Variants in KHDRBS3 observed in about 807,000 individuals in gnomAD.
KHDRBS3 encodes KH domain-containing, RNA-binding, signal transduction-associated protein 3.
KHDRBS3 carries 23 observed loss-of-function variants against 45.6 expected under a neutral mutation model. The ratio of observed to expected loss-of-function variants is 0.50; its 90% CI spans 0.36 to 0.72. KHDRBS3 has a LOEUF of 0.72. Ranked by LOEUF, KHDRBS3 falls within the 30% of genes least tolerant of loss-of-function variation. The pLI is 0.00. For synonymous variants in KHDRBS3, 162 were observed against 156.5 expected, an observed-to-expected ratio of 1.04 and a Z score of -0.26; for missense variants, 352 against 424.8, an observed-to-expected ratio of 0.83 and a Z score of 1.51.
intron 7 of KHDRBS3, among the ~76,000 whole-genome samples, chr8:135,612,896 G>A (rs1289649143): frequency 6.6e-6 from 1 of 151,728 alleles, no homozygotes. Flanking sequence ...AAAAAAGAAT[G>A]TTAAAAAAAT....
intron 1 of KHDRBS3, among the ~76,000 whole-genome samples, chr8:135,517,127 G>A (rs1173215798): frequency 2.0e-5 from 3 of 152,294 alleles, no homozygotes; most frequent in Non-Finnish European, 4.4e-5. Context: ...ATTCTGCAGT[G>A]AGAGGTTTGG....
At chr8:135,548,949 T>G in intron 4 of KHDRBS3, 49 bp downstream of exon 4, 1 of 1,368,526 alleles carries the variant, frequency 7.3e-7, no homozygotes, top group Non-Finnish European at 9.9e-7. Context: ...AAGTCTTTGC[T>G]TTAATCCTTG....
In KHDRBS3 at chr8:135,625,660, C is replaced by T. The variant is rs73712097; in HGVS notation, c.890+18623C>T. On this transcript the variant is annotated intron_variant, in intron 7 of 8. Transcript: ENST00000355849. ...TCAAAAAACTTCTTGAAACACTGAA[C>T]GAATTCAAAATTTTCCTGAAACTTT... The T allele has an allele frequency of 4.4e-3, 3,644 of 829,542 alleles. 40 individuals carry two copies. The highest frequency in any genetic ancestry group is 0.024 in the African/African-American group (1,400 of 59,546). The allele number at this position is 829,542 out of a possible 1,614,324, so 51.4% of individuals were successfully genotyped here.
intron 1 of KHDRBS3, among the ~76,000 whole-genome samples, chr8:135,503,423 G>C (rs1214631395): frequency 6.6e-6 from 1 of 152,152 alleles, no homozygotes; most frequent in Non-Finnish European, 1.5e-5. Flanking sequence ...CCTTGGTTTA[G>C]TTGGAAAAGT....
chr8:135,515,799 C>T (rs1474637667), intron 1 of KHDRBS3, among the ~76,000 whole-genome samples: 2 of 152,140 alleles, frequency 1.3e-5, no homozygotes, highest in African/African-American at 2.4e-5. Flanking sequence ...AAAATATTCA[C>T]GTGGTTAAGA....
intron 1 of KHDRBS3, 133 bp downstream of exon 1, chr8:135,458,087 G>C: frequency 2.2e-6 from 3 of 1,394,682 alleles, no homozygotes; most frequent in Non-Finnish European, 2.8e-6. Flanking sequence ...TGGCCCCCGG[G>C]GTCGTTTGCA....
rs560827463 is a variant in KHDRBS3, at chr8:135,596,213, G to C, written c.808-10742G>C. On this transcript the variant is annotated intron_variant, in intron 6 of 8. Coordinates refer to ENST00000355849, the MANE Select transcript of KHDRBS3 (RefSeq NM_006558.3). ...CATGTTATACACAGTGGATGTCTTA[G>C]GACATCAGGTTTCATTCTCTGGTGG... Among the ~76,000 whole-genome samples the C allele has an allele frequency of 4.6e-5, 7 of 152,242 alleles. No homozygotes were observed. The East Asian group carries it at 1.4e-3, about 29-fold the overall frequency.
chr8:135,639,704 G>A (rs1586847249), intron 7 of KHDRBS3, among the ~76,000 whole-genome samples: 1 of 152,348 alleles, frequency 6.6e-6, no homozygotes, highest in East Asian at 1.9e-4. Context: ...GCCTCAGGGA[G>A]CTGTTACTCA....
chr8:135,635,527 G>C (rs1360647056), intron 7 of KHDRBS3, among the ~76,000 whole-genome samples: 1 of 152,152 alleles, frequency 6.6e-6, no homozygotes, highest in East Asian at 1.9e-4. Context: ...GGGATTATAG[G>C]CATGCGCCAC....
intron 6 of KHDRBS3, among the ~76,000 whole-genome samples, chr8:135,597,675 T>C (rs764042470): frequency 6.6e-6 from 1 of 152,160 alleles, no homozygotes; most frequent in Non-Finnish European, 1.5e-5. Flanking sequence ...ATGTCCCCGG[T>C]GCTCAGCACA....
rs1438606278 is a variant in KHDRBS3, at chr8:135,536,994, AAAAG to A, written c.208-5659_208-5656del. 1.6e-3 allele frequency among the ~76,000 whole-genome samples: 33 copies of A among 20,818 alleles called. 4 individuals carry two copies. Among genetic ancestry groups the A allele is most frequent in the African/African-American group, 6.2e-3 (31 of 5,012 alleles). 13.7% of individuals were successfully genotyped at this position (20,818 alleles called of 152,430 possible). On this transcript the variant is annotated intron_variant, in intron 2 of 8. Transcript: ENST00000355849. The stretch of plus-strand genomic sequence containing the variant: ...AAAAAAAAAAAAAAAAAAAAAAAAA[AAAAG>A]GAGATGTTTAGGAGGTAAAATCATT...
chr8:135,541,729 A>T (rs1343303591), intron 2 of KHDRBS3: 4 of 152,200 alleles, frequency 2.6e-5, no homozygotes. Flanking sequence ...TGGTAGCAAG[A>T]AGTAGTCATG....
intron 4 of KHDRBS3, among the ~76,000 whole-genome samples, chr8:135,556,055 G>T (rs1826869110): frequency 6.6e-6 from 1 of 152,152 alleles, no homozygotes. Context: ...TCCCTACAAA[G>T]GACATGAACC....
chr8:135,503,713 A>G (rs1314974755), intron 1 of KHDRBS3, among the ~76,000 whole-genome samples: 1 of 152,094 alleles, frequency 6.6e-6, no homozygotes, highest in Non-Finnish European at 1.5e-5. Flanking sequence ...AAGTTATGAT[A>G]GTAGAGTTCT....
At chr8:135,469,959 A>G (rs1335411886) in intron 1 of KHDRBS3, among the ~76,000 whole-genome samples, 1 of 152,226 alleles carries the variant, frequency 6.6e-6, no homozygotes, top group East Asian at 1.9e-4. Flanking sequence ...ATTCTGTTTA[A>G]TGTGTCTCTG....
intron 2 of KHDRBS3, among the ~76,000 whole-genome samples, chr8:135,529,704 C>A (rs1481104150): frequency 6.6e-6 from 1 of 152,008 alleles, no homozygotes. Flanking sequence ...ATTTTTATTA[C>A]ATTTAAAAGA....
At chr8:135,501,675 T>C (rs1823740769) in intron 1 of KHDRBS3, among the ~76,000 whole-genome samples, 1 of 152,176 alleles carries the variant, frequency 6.6e-6, no homozygotes, top group Non-Finnish European at 1.5e-5. Flanking sequence ...ATTTTTTTTT[T>C]CTCTAGCTCG....
chr8:135,473,544 TAAC>T (rs902776018), intron 1 of KHDRBS3, among the ~76,000 whole-genome samples: 36 of 152,264 alleles, frequency 2.4e-4, no homozygotes, highest in African/African-American at 7.7e-4. Context: ...TTTTTATTAT[TAAC>T]AAACTTTGGC....
chr8:135,505,843 A>G (rs1218737044), intron 1 of KHDRBS3, among the ~76,000 whole-genome samples: 1 of 150,830 alleles, frequency 6.6e-6, no homozygotes, highest in Non-Finnish European at 1.5e-5. Flanking sequence ...AGGGTAAAAA[A>G]ATCACTGTAA....
Sources: allele counts gnomAD v4.1 joint callset (sites outside exome capture counted in the v4.1 genomes callset), GRCh38; gene constraint gnomAD v4.1.1; transcripts MANE v1.5; gene names NCBI Gene and HGNC (gene_info 2026-07-23, HGNC 2026-07-21).